Variants in TMEM30A observed in about 807,000 individuals in gnomAD.
The protein encoded by TMEM30A is cell division cycle 50 P4-ATPase accessory subunit A.
In TMEM30A, 24 loss-of-function variants were observed where a neutral mutation model predicts 38.2. That is an observed-to-expected ratio of 0.63 (90% CI 0.46 to 0.88). TMEM30A has a LOEUF of 0.88. Among genes scored for constraint, TMEM30A ranks in the 40% least tolerant of loss-of-function variants. TMEM30A has a pLI of 0.00. For synonymous variants in TMEM30A, 145 were observed against 161.6 expected, an observed-to-expected ratio of 0.90 and a Z score of 0.78; for missense variants, 370 against 458.6, an observed-to-expected ratio of 0.81 and a Z score of 1.77.
chr6:75,271,014 T>G (rs151128094), intron 1 of TMEM30A, among the ~76,000 whole-genome samples: 133 of 152,270 alleles, frequency 8.7e-4, no homozygotes, highest in African/African-American at 3.1e-3. Context: ...ATGCACAATA[T>G]TCCACTTAAA....
intron 2 of TMEM30A, 24 bp from the exon 3 acceptor site, chr6:75,265,362 A>G (rs757310273): frequency 7.1e-6 from 10 of 1,411,602 alleles, no homozygotes; most frequent in African/African-American, 1.5e-5. Context: ...GAGGGAAAAA[A>G]TTTTCATATA....
chr6:75,265,418 G>C (rs989963483), intron 2 of TMEM30A, 80 bp from the exon 3 acceptor site: 3 of 747,710 alleles, frequency 4.0e-6, no homozygotes, highest in Non-Finnish European at 6.0e-6. Context: ...TAAAAGCTAC[G>C]TAATTTGGAC....
Position 75,284,755 on chromosome 6 carries a change from G to A in TMEM30A, c.-117C>T, listed in dbSNP as rs1362151818. 7.6e-6 allele frequency: 7 copies of A among 926,546 alleles called. No homozygotes were observed. The African/African-American group carries it at 8.1e-5, about 11-fold the overall frequency. The allele number at this position is 926,546 out of a possible 1,614,324, so 57.4% of individuals were successfully genotyped here. On this transcript the variant is annotated 5_prime_UTR_variant, in exon 1 of 7. Coordinates refer to ENST00000230461, the MANE Select transcript of TMEM30A (RefSeq NM_018247.4). ...CGCCGCCGCCGCCGCAGCCACCAGC[G>A]CCACCGCCACAGCCACCTCCGCTGT... is the stretch of plus-strand genomic sequence containing the variant.
rs147837393 is a variant in TMEM30A, at chr6:75,265,244, G to A, written c.440C>T (p.Ser147Phe). Residue 147 changes from serine (S) to phenylalanine (F), a missense_variant, in exon 3 of 7, where the codon TCT becomes TTT. By Grantham distance (155) the Ser-to-Phe change is radical. Transcript: ENST00000230461. ...SRDDSQLNGD[S>F]SALLNPSKEC... The stretch of plus-strand genomic sequence containing the variant: ...CATTTTACTTACAAGCAAAGCACTA[G>A]AATCTCCATTTAGTTGACTATCATC... The A allele has an allele frequency of 7.5e-6, 12 of 1,597,892 alleles. No homozygotes were observed. The African/African-American group carries it at 1.3e-4, about 18-fold the overall frequency.
Position 75,257,923 on chromosome 6 carries a change from C to T in TMEM30A, c.892+857G>A, listed in dbSNP as rs375244671. Among the ~76,000 whole-genome samples, 5 of 152,232 alleles carry T rather than the reference C, an allele frequency of 3.3e-5. No homozygotes were observed. In the South Asian group the frequency reaches 1.0e-3, roughly 32 times the overall value. On this transcript the variant is annotated intron_variant, in intron 6 of 6. Coordinates refer to ENST00000230461, the MANE Select transcript of TMEM30A (RefSeq NM_018247.4). ...ACTCACAGTGTATGTAAAATATAGA[C>T]TCCAGATTAAAAGATGCAAAGACTT...
At chr6:75,260,424 A>G (rs1246077803) in intron 4 of TMEM30A, among the ~76,000 whole-genome samples, 1 of 152,114 alleles carries the variant, frequency 6.6e-6, no homozygotes, top group Non-Finnish European at 1.5e-5. Flanking sequence ...AAAAAGGAAA[A>G]AAAAAAAAAG....
At chr6:75,270,856 A>G (rs984192997) in intron 1 of TMEM30A, among the ~76,000 whole-genome samples, 10 of 152,240 alleles carry the variant, frequency 6.6e-5, no homozygotes, top group Non-Finnish European at 1.3e-4. Context: ...TGTTTAGAGA[A>G]ACTTTTCTTT....
At position 75,253,549 on chromosome 6, in the gene TMEM30A, T is replaced by A. The variant is rs1324256516; in HGVS notation, c.*2553A>T. 6.6e-6 allele frequency: 1 copy of A among 152,622 alleles called. No individual in the cohort carries two copies. Among genetic ancestry groups the A allele is most frequent in the Non-Finnish European group, 1.5e-5 (1 of 68,026 alleles). 9.5% of individuals were successfully genotyped at this position (152,622 alleles called of 1,614,324 possible). ...TCACTGACGCTGTGTTAAAATTTAG[T>A]GCTAAATGTAAGCAACAACACTGGA... On this transcript the variant is annotated 3_prime_UTR_variant, in exon 7 of 7. Transcript: ENST00000230461.
Position 75,284,437 on chromosome 6 carries a change from T to C in TMEM30A, c.202A>G (p.Ile68Val). The C allele has an allele frequency of 6.2e-7, 1 of 1,613,908 alleles. No homozygotes were observed. Residue 68 changes from isoleucine (I) to valine (V), a missense_variant, in exon 1 of 7, where the codon ATT becomes GTT. Coordinates refer to ENST00000230461, the MANE Select transcript of TMEM30A (RefSeq NM_018247.4). ...GLIFIPIGIG[I>V]FVTSNNIREI... is the part of the protein sequence containing the mutation. ...CGGATGTTGTTGGAGGTGACAAAAATGCCAATGCCGATGGGAATGAAGATG... is the reference window on the plus strand; with the variant it reads ...CGGATGTTGTTGGAGGTGACAAAAACGCCAATGCCGATGGGAATGAAGATG...
intron 1 of TMEM30A, among the ~76,000 whole-genome samples, chr6:75,276,405 G>C (rs775900301): frequency 1.3e-5 from 2 of 152,226 alleles, no homozygotes; most frequent in Non-Finnish European, 2.9e-5. Context: ...TCTAAAGTGA[G>C]AGGCAGTCTT....
intron 1 of TMEM30A, among the ~76,000 whole-genome samples, chr6:75,268,152 T>C (rs1241547426): frequency 6.6e-6 from 1 of 152,242 alleles, no homozygotes; most frequent in African/African-American, 2.4e-5. Context: ...CTTTCCATTA[T>C]ATACTTTTGA....
At position 75,276,461 on chromosome 6, in the gene TMEM30A, T is replaced by C. The variant is rs1425208460; in HGVS notation, c.237+7941A>G. On this transcript the variant is annotated intron_variant, in intron 1 of 6. Coordinates refer to ENST00000230461, the MANE Select transcript of TMEM30A (RefSeq NM_018247.4). ...TGTGGGATCTGATACTATCTCCTAG[T>C]AGATAGTGCCAGAATTTAACGAAAT... Among the ~76,000 whole-genome samples the C allele has an allele frequency of 4.6e-5, 7 of 152,252 alleles. No individual in the cohort carries two copies. In the East Asian group the frequency reaches 7.7e-4, roughly 17 times the overall value.
rs760868585 is a variant in TMEM30A at position 75,258,825 on chromosome 6, G to T, written c.847C>A (p.His283Asn). ...TATCGGCCAGCTGGTAATGTTGGATGTAAATCACTTTTCCTTTCTATAAGA... is the reference window on the plus strand; with the variant it reads ...TATCGGCCAGCTGGTAATGTTGGATTTAAATCACTTTTCCTTTCTATAAGA... Reference protein sequence around the residue: ...YRLIERKSDLHPTLPAGRYSL... With the variant: ...YRLIERKSDLNPTLPAGRYSL... The change falls in exon 6 of 7, where the codon CAT becomes AAT. Residue 283 changes from histidine to asparagine, a missense_variant. His to Asn is a moderately conservative substitution (Grantham distance 68). Transcript: ENST00000230461. The T allele has an allele frequency of 2.5e-6, 4 of 1,613,842 alleles. No homozygotes were observed. In the Admixed American group the frequency reaches 6.7e-5, roughly 27 times the overall value.
At chr6:75,270,815 T>C (rs1161252093) in intron 1 of TMEM30A, among the ~76,000 whole-genome samples, 1 of 152,220 alleles carries the variant, frequency 6.6e-6, no homozygotes, top group Non-Finnish European at 1.5e-5. Flanking sequence ...GAAACAGTTT[T>C]CATCAAAGCT....
chr6:75,283,170 C>A (rs184760059), intron 1 of TMEM30A, among the ~76,000 whole-genome samples: 1 of 152,164 alleles, frequency 6.6e-6, no homozygotes, highest in Non-Finnish European at 1.5e-5. Context: ...GAAGTAAGCA[C>A]TGTAGAATTA....
intron 2 of TMEM30A, among the ~76,000 whole-genome samples, chr6:75,265,831 G>A (rs1582278749): frequency 6.6e-6 from 1 of 152,056 alleles, no homozygotes; most frequent in East Asian, 1.9e-4. Flanking sequence ...TGGGAGGTGT[G>A]CACTACAGGT....
intron 1 of TMEM30A, among the ~76,000 whole-genome samples, chr6:75,268,078 G>C (rs1772098671): frequency 6.6e-6 from 1 of 151,992 alleles, no homozygotes; most frequent in South Asian, 2.1e-4. Context: ...TAGATTAACA[G>C]AGATCAATAA....
intron 6 of TMEM30A, among the ~76,000 whole-genome samples, chr6:75,257,478 T>A (rs1437133466): frequency 6.6e-6 from 1 of 152,178 alleles, no homozygotes; most frequent in Non-Finnish European, 1.5e-5. Flanking sequence ...TTCACAGACT[T>A]CCCTTCATTG....
At chr6:75,277,395 A>G (rs1167980306) in intron 1 of TMEM30A, among the ~76,000 whole-genome samples, 1 of 152,078 alleles carries the variant, frequency 6.6e-6, no homozygotes, top group Non-Finnish European at 1.5e-5. Flanking sequence ...TAAAACTCTT[A>G]GCAGAGTATA....
Sources: allele counts gnomAD v4.1 joint callset (sites outside exome capture counted in the v4.1 genomes callset), GRCh38; gene constraint gnomAD v4.1.1; transcripts MANE v1.5; gene names NCBI Gene and HGNC (gene_info 2026-07-23, HGNC 2026-07-21).